The following PKDCC variants were observed in gnomAD, a reference collection of about 807,000 sequenced individuals.
The protein encoded by PKDCC is protein kinase domain containing, cytoplasmic.
Under a neutral mutation model 44.7 loss-of-function variants are expected in PKDCC, and 35 were observed. The ratio of observed to expected loss-of-function variants is 0.78; its 90% CI spans 0.60 to 1.04. The LOEUF (loss-of-function observed/expected upper bound fraction) is 1.04. Among genes scored for constraint, PKDCC ranks in the 50% least tolerant of loss-of-function variants. The probability of loss-of-function intolerance (pLI) is 0.00; values close to 1 mark genes in which losing one functional copy is unlikely to be tolerated. For synonymous variants in PKDCC, 353 were observed against 303.3 expected (o/e 1.16, Z -1.70); for missense variants, 738 against 672.7 (o/e 1.10, Z -1.07).
At position 42,048,283 on chromosome 2, in the gene PKDCC, G is replaced by C. The variant is rs1192045369; in HGVS notation, c.84G>C (p.Pro28=). Reference sequence around the variant, plus strand: ...CCGTCCTCAACGTGCTCTTCGCTCCGGGCTCGGAGCCTCCGAGGCCAGGCC... The same window carrying C: ...CCGTCCTCAACGTGCTCTTCGCTCCCGGCTCGGAGCCTCCGAGGCCAGGCC... ...LGSVLNVLFA[P]GSEPPRPGQS... The change falls in exon 1 of 7, where the codon CCG becomes CCC. Residue 28 remains proline (P), a synonymous_variant. Coordinates refer to ENST00000294964, the MANE Select transcript of PKDCC (RefSeq NM_138370.3). This position sits in a 1 kb window ranked among gnomAD's most constrained non-coding sequence, Gnocchi z 6.2. 7.9e-7 allele frequency: 1 copy of C among 1,272,824 alleles called. No homozygotes were observed. Among genetic ancestry groups the C allele is most frequent in the Non-Finnish European group, 1.0e-6 (1 of 1,003,966 alleles). 78.8% of individuals were successfully genotyped at this position (1,272,824 alleles called of 1,614,324 possible).
In PKDCC at chr2:42,048,473, C is replaced by A; in HGVS notation, c.274C>A (p.Pro92Thr). The change falls in exon 1 of 7, where the codon CCG (proline) becomes ACG (threonine). Residue 92 changes from proline to threonine, a missense_variant. Pro to Thr is a conservative substitution (Grantham distance 38). Transcript: ENST00000294964. The surrounding 1 kb of genome is among the most constrained non-coding windows in gnomAD (Gnocchi z 6.2). The stretch of plus-strand genomic sequence containing the variant: ...GCGGCGGCGCCTGATGGACCTGGCT[C>A]CGGGCGGGCCCGGCCTGCCGCGCCC... ...PERRRLMDLA[P>T]GGPGLPRPRP... The A allele has an allele frequency of 3.8e-6, 4 of 1,045,406 alleles. No individual in the cohort carries two copies. The highest frequency in any genetic ancestry group is 4.6e-6 in the Non-Finnish European group (4 of 871,486). 64.8% of individuals were successfully genotyped at this position (1,045,406 alleles called of 1,614,324 possible).
Position 42,055,328 on chromosome 2 carries a change from A to C in PKDCC, c.1157A>C (p.Glu386Ala). The C allele has an allele frequency of 6.2e-7, 1 of 1,613,720 alleles. No individual in the cohort carries two copies. Among genetic ancestry groups the C allele is most frequent in the Non-Finnish European group, 8.5e-7 (1 of 1,179,996 alleles). Residue 386 changes from glutamate (E) to alanine (A), a missense_variant, in exon 5 of 7, where the codon GAG becomes GCG. By Grantham distance (107) the Glu-to-Ala change is moderately radical. Coordinates refer to ENST00000294964, the MANE Select transcript of PKDCC (RefSeq NM_138370.3). The surrounding 1 kb of genome is among the most constrained non-coding windows in gnomAD (Gnocchi z 4.5). ...GTGGACGAGACCCTGGCCCAGCTGG[A>C]GAAGGTGCTGCACCTGTACCGGAGC... ...WGVDETLAQL[E>A]KVLHLYRSGQ... is the part of the protein sequence containing the mutation.
At chr2:42,057,140 C>T in intron 5 of PKDCC, 81 bp from the exon 6 acceptor site, 4 of 1,502,522 alleles carry the variant, frequency 2.7e-6, no homozygotes, top group African/African-American at 1.4e-5. Flanking sequence ...GTCTTGCTGC[C>T]CTTTCCAGAA....
At chr2:42,056,922 T>G (rs924037059) in intron 5 of PKDCC, among the ~76,000 whole-genome samples, 1 of 152,196 alleles carries the variant, frequency 6.6e-6, no homozygotes, top group Non-Finnish European at 1.5e-5. Flanking sequence ...CATGTGTCCC[T>G]GTATATGTCT....
At chr2:42,053,674 C>T in intron 2 of PKDCC, 1 of 521,726 alleles carries the variant, frequency 1.9e-6, no homozygotes, top group Non-Finnish European at 3.4e-6. Context: ...GGGCCAGTGT[C>T]CTAGAACTAG....
Position 42,053,584 on chromosome 2 carries a change from G to A in PKDCC, c.762+223G>A, listed in dbSNP as rs144458592. 8.9e-4 allele frequency: 541 copies of A among 606,606 alleles called. 1 individual carries two copies. The highest frequency in any genetic ancestry group is 1.7e-3 in the African/African-American group (94 of 54,120). 37.6% of individuals were successfully genotyped at this position (606,606 alleles called of 1,614,324 possible). Reference sequence around the variant, plus strand: ...TTGCCCTCCTCACCCCTCCTTGTGCGCGTGTACACACCAGCTTGTGGGGGC... The same window carrying A: ...TTGCCCTCCTCACCCCTCCTTGTGCACGTGTACACACCAGCTTGTGGGGGC... On this transcript the variant is annotated intron_variant, in intron 2 of 6. Coordinates refer to ENST00000294964, the MANE Select transcript of PKDCC (RefSeq NM_138370.3).
rs1667977045 is a variant in PKDCC, at chr2:42,052,067, G to A, written c.640-1172G>A. ...GGGGATGCCTGTGGGTGCTGTTAAG[G>A]TGGTAGTGACACTCAGGCTTTGCTT... On this transcript the variant is annotated intron_variant, in intron 1 of 6. Transcript: ENST00000294964. The surrounding 1 kb of genome is among the most constrained non-coding windows in gnomAD (Gnocchi z 4.3). 6.6e-6 allele frequency among the ~76,000 whole-genome samples: 1 copy of A among 152,022 alleles called. No homozygotes were observed. Among genetic ancestry groups the A allele is most frequent in the African/African-American group, 2.4e-5 (1 of 41,352 alleles).
intron 1 of PKDCC, 47 bp from the exon 2 acceptor site, chr2:42,053,192 C>T: frequency 3.5e-6 from 4 of 1,145,814 alleles, no homozygotes; most frequent in Non-Finnish European, 5.0e-6. Context: ...CTTCCCTGTC[C>T]CCACCCCCAC....
Position 42,055,151 on chromosome 2 carries a change from G to A in PKDCC, c.1114+131G>A, listed in dbSNP as rs555278279. 48 of 1,286,422 alleles carry A rather than the reference G, an allele frequency of 3.7e-5. No homozygotes were observed. The highest frequency in any genetic ancestry group is 1.8e-4 in the African/African-American group (12 of 68,304). 79.7% of individuals were successfully genotyped at this position (1,286,422 alleles called of 1,614,324 possible). On this transcript the variant is annotated intron_variant, in intron 4 of 6. Transcript: ENST00000294964. The surrounding 1 kb of genome is among the most constrained non-coding windows in gnomAD (Gnocchi z 4.5). ...TCACTTCCTAAGGTGGCATTCTGCC[G>A]CAACCTCCCCGCTCCCCCGCCCTCT...
In PKDCC at chr2:42,052,450, T is replaced by A. The variant is rs1044765767; in HGVS notation, c.640-789T>A. On this transcript the variant is annotated intron_variant, in intron 1 of 6. Coordinates refer to ENST00000294964, the MANE Select transcript of PKDCC (RefSeq NM_138370.3). This position sits in a 1 kb window ranked among gnomAD's most constrained non-coding sequence, Gnocchi z 4.3. ...CTTGTGTATTACCAAACAGCATTCT[T>A]AGAAAAAACAGATTGTGGCCGGGCG... Among the ~76,000 whole-genome samples the A allele has an allele frequency of 2.0e-5, 3 of 152,158 alleles. No individual in the cohort carries two copies. The highest frequency in any genetic ancestry group is 4.4e-5 in the Non-Finnish European group (3 of 68,004).
rs1465535094 is a variant in PKDCC, at chr2:42,048,101, G to T, written c.-99G>T. 3 of 718,134 alleles carry T rather than the reference G, an allele frequency of 4.2e-6. No individual in the cohort carries two copies. Among genetic ancestry groups the T allele is most frequent in the Non-Finnish European group, 5.1e-6 (3 of 588,474 alleles). The allele number at this position is 718,134 out of a possible 1,614,324, so 44.5% of individuals were successfully genotyped here. On this transcript the variant is annotated 5_prime_UTR_variant, in exon 1 of 7. Transcript: ENST00000294964. The surrounding 1 kb of genome is among the most constrained non-coding windows in gnomAD (Gnocchi z 6.2). ...GGCCATGCGCGCGGGCTGGGCAGGG[G>T]GCCGGCGGGGCGCAGAGCGGAGCCG...
At position 42,054,873 on chromosome 2, in the gene PKDCC, G is replaced by T; in HGVS notation, c.1035-68G>T. On this transcript the variant is annotated intron_variant, in intron 3 of 6. Transcript: ENST00000294964. The surrounding 1 kb of genome is among the most constrained non-coding windows in gnomAD (Gnocchi z 6.1). ...TGGCCAGGTTAGCGTTCTGCCCCAG[G>T]TTGGAATAGAGGAAGGATGTGTCTC... is the stretch of plus-strand genomic sequence containing the variant. 1 of 1,448,946 alleles carries T rather than the reference G, an allele frequency of 6.9e-7. No homozygotes were observed. Among genetic ancestry groups the T allele is most frequent in the South Asian group, 1.1e-5 (1 of 87,516 alleles). The allele number at this position is 1,448,946 out of a possible 1,614,324, so 89.8% of individuals were successfully genotyped here. A position where few individuals can be genotyped will look rare whatever the true frequency, so the allele number is the denominator to read the frequency against.
In PKDCC at chr2:42,048,624, A is replaced by G; in HGVS notation, c.425A>G (p.Gln142Arg). The G allele has an allele frequency of 2.6e-6, 4 of 1,530,944 alleles. No individual in the cohort carries two copies. The highest frequency in any genetic ancestry group is 3.5e-6 in the Non-Finnish European group (4 of 1,139,702). 94.8% of individuals were successfully genotyped at this position (1,530,944 alleles called of 1,614,324 possible). ...CAALRNVSGA[Q>R]YMGSGYTKAV... ...GCGCTTCGCAACGTGTCCGGCGCGC[A>G]GTACATGGGCTCAGGCTACACCAAG... The change falls in exon 1 of 7, where the codon CAG becomes CGG. Residue 142 changes from glutamine to arginine, a missense_variant. By Grantham distance (43) the Gln-to-Arg change is conservative. Coordinates refer to ENST00000294964, the MANE Select transcript of PKDCC (RefSeq NM_138370.3). The surrounding 1 kb of genome is among the most constrained non-coding windows in gnomAD (Gnocchi z 6.2).
Position 42,054,912 on chromosome 2 carries a change from C to A in PKDCC, c.1035-29C>A. ...AGGATGTGTCTCCAAAGGCTGGATT[C>A]CTGAGCCACTGGTTTCCCTCTGCCA... On this transcript the variant is annotated intron_variant, in intron 3 of 6. Coordinates refer to ENST00000294964, the MANE Select transcript of PKDCC (RefSeq NM_138370.3). This position sits in a 1 kb window ranked among gnomAD's most constrained non-coding sequence, Gnocchi z 6.1. 6.3e-7 allele frequency: 1 copy of A among 1,590,662 alleles called. No homozygotes were observed. Among genetic ancestry groups the A allele is most frequent in the Non-Finnish European group, 8.6e-7 (1 of 1,158,622 alleles).
In PKDCC at chr2:42,052,781, G is replaced by C. The variant is rs1442122731; in HGVS notation, c.640-458G>C. Among the ~76,000 whole-genome samples, 4 of 149,404 alleles carry C rather than the reference G, an allele frequency of 2.7e-5. No homozygotes were observed. Among genetic ancestry groups the C allele is most frequent in the Admixed American group, 6.6e-5 (1 of 15,056 alleles). On this transcript the variant is annotated intron_variant, in intron 1 of 6. Coordinates refer to ENST00000294964, the MANE Select transcript of PKDCC (RefSeq NM_138370.3). The surrounding 1 kb of genome is among the most constrained non-coding windows in gnomAD (Gnocchi z 4.3). The stretch of plus-strand genomic sequence containing the variant: ...AAGAAAAGAAAAATAAATAAAAATA[G>C]GTTGTGGAATCCGAGTGGCACAAAT...
intron 1 of PKDCC, 87 bp from the exon 2 acceptor site, chr2:42,053,150 AGG>A (rs1041183718): frequency 6.5e-6 from 9 of 1,388,362 alleles, no homozygotes; most frequent in Non-Finnish European, 8.8e-6. Flanking sequence ...GGATGGTGGG[AGG>A]AGAGAGAGGG....
rs1336765719 is a variant in PKDCC, at chr2:42,051,949, A to G, written c.640-1290A>G. ...TCCTCTCCCTGAGTCGGGCCTGGAC[A>G]ACTCAGCCTTCGTGTTTCTACCCCA... On this transcript the variant is annotated intron_variant, in intron 1 of 6. Transcript: ENST00000294964. The surrounding 1 kb of genome is among the most constrained non-coding windows in gnomAD (Gnocchi z 4.2). Among the ~76,000 whole-genome samples, 2 of 152,092 alleles carry G rather than the reference A, an allele frequency of 1.3e-5. No homozygotes were observed. Among genetic ancestry groups the G allele is most frequent in the Admixed American group, 1.3e-4 (2 of 15,278 alleles).
Position 42,058,392 on chromosome 2 carries a change from A to T in PKDCC, c.*704A>T, listed in dbSNP as rs914677852. ...TTCAATGAAAGCCTCAAAGCAGCCA[A>T]AACCAGGCTTTCCCCCTTCCTCGAG... On this transcript the variant is annotated 3_prime_UTR_variant, in exon 7 of 7. Coordinates refer to ENST00000294964, the MANE Select transcript of PKDCC (RefSeq NM_138370.3). The surrounding 1 kb of genome is among the most constrained non-coding windows in gnomAD (Gnocchi z 4.2). 30 of 152,714 alleles carry T rather than the reference A, an allele frequency of 2.0e-4. No homozygotes were observed. The highest frequency in any genetic ancestry group is 7.2e-4 in the African/African-American group (30 of 41,558). The allele number at this position is 152,714 out of a possible 1,614,324, so 9.5% of individuals were successfully genotyped here.
In PKDCC at chr2:42,051,815, T is replaced by A. The variant is rs900403746; in HGVS notation, c.640-1424T>A. Among the ~76,000 whole-genome samples, 2 of 152,002 alleles carry A rather than the reference T, an allele frequency of 1.3e-5. No individual in the cohort carries two copies. The highest frequency in any genetic ancestry group is 4.8e-5 in the African/African-American group (2 of 41,366). Reference sequence around the variant, plus strand: ...TGACGGGGAGCTGAGGGGGCACTCCTAGGGCGGGAAGAGGACATGTGAGGA... The same window carrying A: ...TGACGGGGAGCTGAGGGGGCACTCCAAGGGCGGGAAGAGGACATGTGAGGA... On this transcript the variant is annotated intron_variant, in intron 1 of 6. Transcript: ENST00000294964. The surrounding 1 kb of genome is among the most constrained non-coding windows in gnomAD (Gnocchi z 4.2).
Sources: gnomAD v4.1 joint callset for allele counts (sites outside exome capture counted in the v4.1 genomes callset) on GRCh38, gnomAD v4.1.1 for gene constraint, Gnocchi (gnomAD v3.1) non-coding constraint, MANE v1.5 for transcripts, NCBI Gene and HGNC (gene_info 2026-07-23, HGNC 2026-07-21) for gene names.